CNTN5: variants seen among roughly 807,000 people sequenced by gnomAD.
CNTN5 encodes contactin 5.
Under a neutral mutation model 129.1 loss-of-function variants are expected in CNTN5, and 77 were observed. The ratio of observed to expected loss-of-function variants is 0.60; its 90% CI spans 0.50 to 0.72. The LOEUF (loss-of-function observed/expected upper bound fraction) is 0.72. Ranked by LOEUF, CNTN5 falls within the 30% of genes least tolerant of loss-of-function variation. CNTN5 has a pLI of 0.00. For missense variants in CNTN5, 1,478 were observed against 1,328.8 expected, an observed-to-expected ratio of 1.11 and a Z score of -1.75; for synonymous variants, 509 against 465.6, an observed-to-expected ratio of 1.09 and a Z score of -1.20.
chr11:99,913,682 G>A (rs1949718512), intron 6 of CNTN5, among the ~76,000 whole-genome samples: 1 of 151,984 alleles, frequency 6.6e-6, no homozygotes, highest in Non-Finnish European at 1.5e-5. Context: ...TTTTCTTTGT[G>A]TGTTTAATTT....
chr11:99,898,922 A>C (rs117484706), intron 6 of CNTN5, among the ~76,000 whole-genome samples: 1,578 of 152,136 alleles, frequency 0.01, 11 homozygotes, highest in Middle Eastern at 0.037. Flanking sequence ...TTGCTTCTTT[A>C]GTGGAAATGC....
intron 1 of CNTN5, among the ~76,000 whole-genome samples, chr11:99,226,711 G>C (rs1227525203): frequency 2.7e-4 from 41 of 152,196 alleles, no homozygotes; most frequent in Non-Finnish European, 2.9e-5. Context: ...GTTCCTAATA[G>C]GCAAAGATCA....
At chr11:100,130,397 A>G (rs560725334) in intron 13 of CNTN5, among the ~76,000 whole-genome samples, 1 of 152,324 alleles carries the variant, frequency 6.6e-6, no homozygotes, top group Non-Finnish European at 1.5e-5. Flanking sequence ...GAATAAAGCT[A>G]TAACAGAACA....
In CNTN5 at chr11:99,941,571, A is replaced by AACACACACACACACACACACACACACAC. The variant is rs71305315; in HGVS notation, c.674-15220_674-15219insCACACACACACACACACACACACACACA. ...GTAATAGAGGTAAATACATAAGACA[A>AACACACACACACACACACACACACACAC]ACACACACACACACAAAGAGAAAGA... On this transcript the variant is annotated intron_variant, in intron 7 of 24. Coordinates refer to ENST00000524871, the MANE Select transcript of CNTN5 (RefSeq NM_014361.4). 4.8e-3 allele frequency among the ~76,000 whole-genome samples: 715 copies of AACACACACACACACACACACACACACAC among 148,322 alleles called. 8 individuals are homozygous for AACACACACACACACACACACACACACAC. The highest frequency in any genetic ancestry group is 0.011 in the African/African-American group (434 of 40,024).
chr11:99,612,304 G>A (rs79769824), intron 3 of CNTN5, among the ~76,000 whole-genome samples: 1,642 of 152,252 alleles, frequency 0.011, 34 homozygotes, highest in African/African-American at 0.036. Context: ...GGTTTTTGGA[G>A]TTTGGGGTCA....
chr11:100,255,279 A>C (rs149152881), intron 16 of CNTN5, among the ~76,000 whole-genome samples: 1 of 152,324 alleles, frequency 6.6e-6, no homozygotes, highest in East Asian at 1.9e-4. Flanking sequence ...AGCTATGTGT[A>C]CTTGATAGTA....
At position 99,821,093 on chromosome 11, in the gene CNTN5, A is replaced by G. The variant is rs556973766; in HGVS notation, c.277+1328A>G. On this transcript the variant is annotated intron_variant, in intron 4 of 24. Coordinates refer to ENST00000524871, the MANE Select transcript of CNTN5 (RefSeq NM_014361.4). ...TTAACTTTCTATTACCTTAAGCCTA[A>G]TATGAAACATATTTTCTTTAGGCAT... is the stretch of plus-strand genomic sequence containing the variant. Among the ~76,000 whole-genome samples the G allele has an allele frequency of 2.8e-4, 42 of 152,338 alleles. No homozygotes were observed. In the South Asian group the frequency reaches 8.7e-3, roughly 32 times the overall value.
intron 3 of CNTN5, among the ~76,000 whole-genome samples, chr11:99,569,270 T>C (rs1266754861): frequency 6.6e-6 from 1 of 152,078 alleles, no homozygotes; most frequent in East Asian, 1.9e-4. Flanking sequence ...TTGCTATGAA[T>C]GCTTGCTATG....
chr11:100,309,640 A>T (rs1565419236), intron 21 of CNTN5: 1 of 984,022 alleles, frequency 1.0e-6, no homozygotes, highest in Admixed American at 6.2e-5. Flanking sequence ...ATTAAATCTC[A>T]GCAAATGATA....
intron 2 of CNTN5, among the ~76,000 whole-genome samples, chr11:99,416,802 A>T (rs1484192648): frequency 6.6e-6 from 1 of 152,144 alleles, no homozygotes; most frequent in Non-Finnish European, 1.5e-5. Flanking sequence ...TGTGCAAAAC[A>T]AGGTATTTGG....
chr11:99,764,525 C>T (rs1447520889), intron 3 of CNTN5, among the ~76,000 whole-genome samples: 2 of 152,062 alleles, frequency 1.3e-5, no homozygotes, highest in African/African-American at 2.4e-5. Flanking sequence ...AAGGGATTCT[C>T]CTGCCTCCGC....
At chr11:99,662,476 G>A (rs1381817804) in intron 3 of CNTN5, among the ~76,000 whole-genome samples, 5 of 151,374 alleles carry the variant, frequency 3.3e-5, no homozygotes, top group Admixed American at 6.6e-5. Context: ...CATTTAAAAC[G>A]TAACAATGGT....
chr11:100,062,191 G>A (rs372455376), intron 10 of CNTN5, among the ~76,000 whole-genome samples: 7 of 152,114 alleles, frequency 4.6e-5, no homozygotes, highest in Non-Finnish European at 7.4e-5. Context: ...GAAGCAATAG[G>A]CTAGAGCATT....
At chr11:100,258,671 C>T (rs1415062742) in intron 17 of CNTN5, among the ~76,000 whole-genome samples, 1 of 152,050 alleles carries the variant, frequency 6.6e-6, no homozygotes, top group Non-Finnish European at 1.5e-5. Flanking sequence ...ATTTTCAACC[C>T]AGAATTTCAT....
intron 21 of CNTN5, chr11:100,337,080 T>C: frequency 1.5e-6 from 2 of 1,311,334 alleles, no homozygotes; most frequent in South Asian, 1.2e-5. Context: ...AAATCACTCT[T>C]GTAGGGATCA....
chr11:100,233,612 C>T (rs1054842546), intron 16 of CNTN5, among the ~76,000 whole-genome samples: 1 of 152,122 alleles, frequency 6.6e-6, no homozygotes, highest in African/African-American at 2.4e-5. Context: ...ACAAACCTTA[C>T]TGAAAAGTCT....
In CNTN5 at chr11:99,740,713, A is replaced by C. The variant is rs534819374; in HGVS notation, c.56-78831A>C. On this transcript the variant is annotated intron_variant, in intron 3 of 24. Coordinates refer to ENST00000524871, the MANE Select transcript of CNTN5 (RefSeq NM_014361.4). Reference sequence around the variant, plus strand: ...GCACCATCAGAGGTTGCAGCAACTCATTCAGTGATACATATTTGCTGGATA... The same window carrying C: ...GCACCATCAGAGGTTGCAGCAACTCCTTCAGTGATACATATTTGCTGGATA... Among the ~76,000 whole-genome samples, 4 of 152,302 alleles carry C rather than the reference A, an allele frequency of 2.6e-5. No homozygotes were observed. In the South Asian group the frequency reaches 8.3e-4, roughly 32 times the overall value.
At chr11:100,090,681 T>C (rs1052969263) in intron 13 of CNTN5, among the ~76,000 whole-genome samples, 1 of 151,620 alleles carries the variant, frequency 6.6e-6, no homozygotes, top group Non-Finnish European at 1.5e-5. Flanking sequence ...GCTCACTCTC[T>C]GGTTCACAGA....
At chr11:99,143,942 A>G (rs1859656678) in intron 1 of CNTN5, among the ~76,000 whole-genome samples, 1 of 152,198 alleles carries the variant, frequency 6.6e-6, no homozygotes. Context: ...AAGTCAATAA[A>G]AGATAATACC....
Sources: gnomAD v4.1 joint callset for allele counts (sites outside exome capture counted in the v4.1 genomes callset) on GRCh38, gnomAD v4.1.1 for gene constraint, MANE v1.5 for transcripts, NCBI Gene and HGNC (gene_info 2026-07-23, HGNC 2026-07-21) for gene names.